LMO3: variants seen among roughly 807,000 people sequenced by gnomAD.
The protein encoded by LMO3 is LIM domain only 3.
A neutral mutation model predicts 15.8 loss-of-function variants in LMO3; 2 were observed. The ratio of observed to expected loss-of-function variants is 0.13; its 90% CI spans 0.05 to 0.40. LMO3 has a LOEUF of 0.40. Ranked by LOEUF, LMO3 falls within the 10% of genes least tolerant of loss-of-function variation. The pLI is 0.99. For missense variants in LMO3, 86 were observed against 182.2 expected, an observed-to-expected ratio of 0.47 and a Z score of 3.04; for synonymous variants, 62 against 63.8, an observed-to-expected ratio of 0.97 and a Z score of 0.13.
At position 16,584,586 on chromosome 12, in the gene LMO3, G is replaced by C. The variant is rs908566512; in HGVS notation, c.206+16069C>G. Among the ~76,000 whole-genome samples, 2 of 136,382 alleles carry C rather than the reference G, an allele frequency of 1.5e-5. No individual in the cohort carries two copies. Among genetic ancestry groups the C allele is most frequent in the South Asian group, 2.3e-4 (1 of 4,434 alleles). The allele number at this position is 136,382 out of a possible 152,430, so 89.5% of individuals were successfully genotyped here. A position where few individuals can be genotyped will look rare whatever the true frequency, so the allele number is the denominator to read the frequency against. On this transcript the variant is annotated intron_variant, in intron 2 of 3. Coordinates refer to ENST00000537304, the MANE Select transcript of LMO3 (RefSeq NM_018640.5). This position sits in a 1 kb window ranked among gnomAD's most constrained non-coding sequence, Gnocchi z 5.2. ...GATTAACATTGGCAAGTGGAGGAGTGGGGGGGGTAAGAGGCCTGTTTAGAG... is the reference window on the plus strand; with the variant it reads ...GATTAACATTGGCAAGTGGAGGAGTCGGGGGGGTAAGAGGCCTGTTTAGAG...
chr12:16,571,780 T>G (rs1182148317), intron 2 of LMO3, among the ~76,000 whole-genome samples: 2 of 152,080 alleles, frequency 1.3e-5, no homozygotes, highest in Non-Finnish European at 2.9e-5. Flanking sequence ...AATCAAAGTG[T>G]AACTGGATCA....
chr12:16,582,179 T>C lies in LMO3; in HGVS notation c.206+18476A>G, dbSNP rs1943181767. ...TGGTTTCTTCCTGTTTCTCTTTATT[T>C]GGAAGTTTTGAAATGGCTGAATTTT... On this transcript the variant is annotated intron_variant, in intron 2 of 3. Transcript: ENST00000537304. This position sits in a 1 kb window ranked among gnomAD's most constrained non-coding sequence, Gnocchi z 4.1. Among the ~76,000 whole-genome samples the C allele has an allele frequency of 6.6e-6, 1 of 152,198 alleles. No homozygotes were observed. The highest frequency in any genetic ancestry group is 1.5e-5 in the Non-Finnish European group (1 of 68,016).
rs149483337 is a variant in LMO3, at chr12:16,576,157, C to T, written c.207-15619G>A. Among the ~76,000 whole-genome samples, 2 of 152,282 alleles carry T rather than the reference C, an allele frequency of 1.3e-5. No individual in the cohort carries two copies. Among genetic ancestry groups the T allele is most frequent in the African/African-American group, 2.4e-5 (1 of 41,560 alleles). ...CACCAGCCTGCCCTGCCCTGCTGTCCGCCTTCCACTCTGCAGCCGGTAGCC... is the reference window on the plus strand; with the variant it reads ...CACCAGCCTGCCCTGCCCTGCTGTCTGCCTTCCACTCTGCAGCCGGTAGCC... On this transcript the variant is annotated intron_variant, in intron 2 of 3. Transcript: ENST00000537304. This position sits in a 1 kb window ranked among gnomAD's most constrained non-coding sequence, Gnocchi z 4.1.
chr12:16,562,426 T>C (rs1011713948), intron 2 of LMO3, among the ~76,000 whole-genome samples: 1 of 152,236 alleles, frequency 6.6e-6, no homozygotes, highest in African/African-American at 2.4e-5. Context: ...TTTGTTCATA[T>C]CTAATAAACA....
chr12:16,561,657 G>A (rs138890274), intron 2 of LMO3, among the ~76,000 whole-genome samples: 64 of 152,274 alleles, frequency 4.2e-4, no homozygotes, highest in African/African-American at 1.5e-3. Context: ...ATTACTTTCT[G>A]TAGACTCCAA....
chr12:16,584,215 TTAG>T lies in LMO3; in HGVS notation c.206+16437_206+16439del, dbSNP rs376715691. Among the ~76,000 whole-genome samples the T allele has an allele frequency of 1.8e-4, 28 of 152,204 alleles. No individual in the cohort carries two copies. The South Asian group carries it at 5.8e-3, about 32-fold the overall frequency. On this transcript the variant is annotated intron_variant, in intron 2 of 3. Transcript: ENST00000537304. This position sits in a 1 kb window ranked among gnomAD's most constrained non-coding sequence, Gnocchi z 5.2. ...CGAGTTTTGTTGGAGGATGCATTTT[TTAG>T]TAGTGAGTGGGGAGAGTTATGTGTA...
At chr12:16,605,635 A>C (rs1683599221) in intron 1 of LMO3, 2 of 907,442 alleles carry the variant, frequency 2.2e-6, no homozygotes, top group Admixed American at 5.0e-5. Context: ...CCAGGACTGA[A>C]TTCTTTTCCT....
intron 1 of LMO3, among the ~76,000 whole-genome samples, chr12:16,602,865 C>T (rs1306390590): frequency 1.3e-5 from 2 of 151,996 alleles, no homozygotes; most frequent in Non-Finnish European, 2.9e-5. Context: ...GATGGTGTTA[C>T]TGAAAACACC....
chr12:16,568,611 A>T (rs1285531532), intron 2 of LMO3, among the ~76,000 whole-genome samples: 1 of 152,258 alleles, frequency 6.6e-6, no homozygotes, highest in Non-Finnish European at 1.5e-5. Context: ...AAAATATTTC[A>T]TGAATAATTT....
upstream of LMO3, chr12:16,607,010 C>G (rs1321447437): frequency 6.6e-6 from 1 of 152,186 alleles, no homozygotes; most frequent in Non-Finnish European, 1.5e-5. Flanking sequence ...CCAGAATACC[C>G]TGGAAAAAGC....
At chr12:16,556,839 T>A (rs1942210075) in intron 3 of LMO3, among the ~76,000 whole-genome samples, 1 of 152,180 alleles carries the variant, frequency 6.6e-6, no homozygotes. Context: ...GGGGCTGAAG[T>A]GACAAGACAA....
chr12:16,607,775 C>G (rs977598806), upstream of LMO3: 4 of 151,274 alleles, frequency 2.6e-5, no homozygotes, highest in African/African-American at 9.7e-5. Context: ...TCAAAGCACC[C>G]CCCCCATGAG....
At position 16,589,097 on chromosome 12, in the gene LMO3, G is replaced by A. The variant is rs972077761; in HGVS notation, c.206+11558C>T. On this transcript the variant is annotated intron_variant, in intron 2 of 3. Coordinates refer to ENST00000537304, the MANE Select transcript of LMO3 (RefSeq NM_018640.5). The surrounding 1 kb of genome is among the most constrained non-coding windows in gnomAD (Gnocchi z 4.2). ...CGACGTCAGGTCTGGATACCTCACC[G>A]TGATGCAACCTGACATGCCTCTAAG... Among the ~76,000 whole-genome samples, 6 of 152,090 alleles carry A rather than the reference G, an allele frequency of 3.9e-5. No individual in the cohort carries two copies. The highest frequency in any genetic ancestry group is 7.2e-5 in the African/African-American group (3 of 41,424).
intron 1 of LMO3, chr12:16,605,051 C>T (rs1943942889): frequency 6.6e-7 from 1 of 1,504,500 alleles, no homozygotes; most frequent in Non-Finnish European, 8.8e-7. Context: ...GGGAGCGGGT[C>T]GGAGTGGCGG....
Position 16,551,255 on chromosome 12 carries a change from T to C in LMO3, c.405A>G (p.Leu135=). ...ILCQTDYEEG[L]MKEGYAPQVR ...CCTGGGGTGCATAACCTTCTTTCAT[T>C]AAACCTTCCTCGTAGTCCGTCTGGC... The change falls in exon 4 of 4, where the codon TTA becomes TTG. Residue 135 remains leucine (L), a synonymous_variant. Coordinates refer to ENST00000537304, the MANE Select transcript of LMO3 (RefSeq NM_018640.5). 6.2e-7 allele frequency: 1 copy of C among 1,612,910 alleles called. No homozygotes were observed. The highest frequency in any genetic ancestry group is 2.2e-5 in the East Asian group (1 of 44,860).
chr12:16,555,295 T>A lies in LMO3; in HGVS notation c.333-3968A>T, dbSNP rs1942153693. Among the ~76,000 whole-genome samples the A allele has an allele frequency of 6.6e-6, 1 of 152,210 alleles. No homozygotes were observed. On this transcript the variant is annotated intron_variant, in intron 3 of 3. Coordinates refer to ENST00000537304, the MANE Select transcript of LMO3 (RefSeq NM_018640.5). This position sits in a 1 kb window ranked among gnomAD's most constrained non-coding sequence, Gnocchi z 5.5. ...TGAGTTCCCATTGCCTCCATCAACA[T>A]CTTCTGACCATGTAAATTTGCTTAT...
intron 1 of LMO3, chr12:16,605,831 T>C (rs1277580830): frequency 1.3e-6 from 2 of 1,535,294 alleles, no homozygotes; most frequent in Non-Finnish European, 1.7e-6. Context: ...CTGCATCTAT[T>C]TCATGTCTCA....
In LMO3 at chr12:16,551,034, C is replaced by A; in HGVS notation, c.*188G>T. The A allele has an allele frequency of 4.0e-6, 2 of 497,262 alleles. No individual in the cohort carries two copies. The highest frequency in any genetic ancestry group is 7.2e-6 in the Non-Finnish European group (2 of 276,770). The allele number at this position is 497,262 out of a possible 1,614,324, so 30.8% of individuals were successfully genotyped here. A position where few individuals can be genotyped will look rare whatever the true frequency, so the allele number is the denominator to read the frequency against. On this transcript the variant is annotated 3_prime_UTR_variant, in exon 4 of 4. Transcript: ENST00000537304. Reference sequence around the variant, plus strand: ...CATTACTTTTTTCTTTAATAATAAACATTCAACTCTGAACTGGGGCAATTT... The same window carrying A: ...CATTACTTTTTTCTTTAATAATAAAAATTCAACTCTGAACTGGGGCAATTT...
At chr12:16,602,649 T>A (rs1943859734) in intron 1 of LMO3, among the ~76,000 whole-genome samples, 1 of 152,064 alleles carries the variant, frequency 6.6e-6, no homozygotes, top group African/African-American at 2.4e-5. Flanking sequence ...TAGTGTAGAT[T>A]AATCATAACC....
Sources: gnomAD v4.1 joint callset for allele counts (sites outside exome capture counted in the v4.1 genomes callset) on GRCh38, gnomAD v4.1.1 for gene constraint, Gnocchi (gnomAD v3.1) non-coding constraint, MANE v1.5 for transcripts, NCBI Gene and HGNC (gene_info 2026-07-23, HGNC 2026-07-21) for gene names.